The following TRMT11 variants were observed in gnomAD, a reference collection of about 807,000 sequenced individuals.
The protein encoded by TRMT11 is tRNA (guanine(10)-N(2))-methyltransferase TRMT11.
Under a neutral mutation model 62.8 loss-of-function variants are expected in TRMT11, and 53 were observed. The observed-to-expected ratio is 0.84, with a 90% CI of 0.68 to 1.06. The LOEUF (loss-of-function observed/expected upper bound fraction) is 1.06. TRMT11 is among the 50% of genes least tolerant of loss of function. The probability of loss-of-function intolerance (pLI) is 0.00; values close to 1 mark genes in which losing one functional copy is unlikely to be tolerated. For missense variants in TRMT11, 556 were observed against 553.4 expected, an observed-to-expected ratio of 1.00 and a Z score of -0.05; for synonymous variants, 188 against 190.3, an observed-to-expected ratio of 0.99 and a Z score of 0.10.
At chr6:126,150,947 T>C (rs147511005) in intron 21 of TRMT11, among the ~76,000 whole-genome samples, 6 of 152,236 alleles carry the variant, frequency 3.9e-5, no homozygotes, top group African/African-American at 1.4e-4. Flanking sequence ...TTGTGTACTT[T>C]GAGTGATAGA....
the TRMT11 span, among the ~76,000 whole-genome samples, chr6:126,251,194 G>A: frequency 2.0e-4 from 30 of 151,650 alleles, no homozygotes; most frequent in South Asian, 6.3e-3. Context: ...CTGTGCCTGG[G>A]TCATTTTTGT....
intron 21 of TRMT11, among the ~76,000 whole-genome samples, chr6:126,124,465 T>G (rs1462118695): frequency 6.6e-6 from 1 of 152,128 alleles, no homozygotes; most frequent in African/African-American, 2.4e-5. Context: ...TCACATCCTT[T>G]GCTGTGAGAC....
chr6:126,188,203 C>T (rs547006157), intron 1 of TRMT11, among the ~76,000 whole-genome samples: 1 of 151,952 alleles, frequency 6.6e-6, no homozygotes, highest in Admixed American at 6.6e-5. Context: ...GAGAAGTGAA[C>T]CATGAATTGG....
intron 1 of TRMT11, among the ~76,000 whole-genome samples, chr6:126,184,195 A>G (rs528107770): frequency 6.6e-6 from 1 of 152,222 alleles, no homozygotes; most frequent in Admixed American, 6.5e-5. Context: ...AAACTATGTT[A>G]AGAATCCAGG....
the TRMT11 span, among the ~76,000 whole-genome samples, chr6:126,251,152 T>G: frequency 6.6e-5 from 10 of 151,754 alleles, no homozygotes; most frequent in Non-Finnish European, 1.5e-4. Flanking sequence ...TGCCTCAGCC[T>G]CCTGAGTAGC....
downstream of TRMT11, among the ~76,000 whole-genome samples, chr6:126,042,007 C>G (rs1202265522): frequency 6.6e-6 from 1 of 151,970 alleles, no homozygotes; most frequent in African/African-American, 2.4e-5. Flanking sequence ...GGTTTGTAAT[C>G]CAAACAAAAA....
At chr6:126,207,666 C>T (rs1269361906), downstream of TRMT11, among the ~76,000 whole-genome samples, 1 of 152,116 alleles carries the variant, frequency 6.6e-6, no homozygotes, top group Non-Finnish European at 1.5e-5. Flanking sequence ...ATCTCATGGC[C>T]ACGCTGTAGT....
chr6:126,220,032 T>A, the TRMT11 span, among the ~76,000 whole-genome samples: 5 of 152,166 alleles, frequency 3.3e-5, no homozygotes, highest in African/African-American at 1.2e-4. Flanking sequence ...TGGAAGGCAT[T>A]GTTGTAGTTA....
downstream of TRMT11, among the ~76,000 whole-genome samples, chr6:126,042,418 G>T (rs1010190057): frequency 7.9e-5 from 12 of 152,124 alleles, no homozygotes; most frequent in Non-Finnish European, 1.5e-4. Flanking sequence ...AGGTTTAATT[G>T]TAATGGCAGT....
At chr6:126,232,427 G>A in the TRMT11 span, among the ~76,000 whole-genome samples, 3 of 150,636 alleles carry the variant, frequency 2.0e-5, no homozygotes, top group Non-Finnish European at 4.4e-5. Flanking sequence ...TTTTTTTCTG[G>A]TATCTTTAAA....
intron 11 of TRMT11, among the ~76,000 whole-genome samples, chr6:126,016,067 A>ATTACACTAATTAAC (rs1157485227): frequency 6.6e-6 from 1 of 152,204 alleles, no homozygotes; most frequent in Admixed American, 6.5e-5. Flanking sequence ...TTATGGGGAA[A>ATTACACTAATTAAC]TAAGATTACA....
intron 1 of TRMT11, among the ~76,000 whole-genome samples, chr6:126,180,044 AGAATAGAAT>A (rs1392792113): frequency 1.3e-5 from 2 of 152,286 alleles, no homozygotes; most frequent in East Asian, 3.9e-4. Flanking sequence ...TTCCTTTGTT[AGAATAGAAT>A]ATGCTACGTG....
At chr6:126,013,436 T>C (rs1012032377) in intron 11 of TRMT11, among the ~76,000 whole-genome samples, 1 of 152,080 alleles carries the variant, frequency 6.6e-6, no homozygotes, top group Non-Finnish European at 1.5e-5. Flanking sequence ...TTTATTTTTA[T>C]TTTTTGTAGA....
chr6:126,132,806 G>C (rs1227374838), intron 21 of TRMT11, among the ~76,000 whole-genome samples: 1 of 152,010 alleles, frequency 6.6e-6, no homozygotes, highest in Non-Finnish European at 1.5e-5. Flanking sequence ...ATATGTTTTA[G>C]AGTTGGTTGT....
intron 7 of TRMT11, among the ~76,000 whole-genome samples, chr6:126,000,510 C>T (rs1230426632): frequency 6.6e-6 from 1 of 152,074 alleles, no homozygotes; most frequent in African/African-American, 2.4e-5. Flanking sequence ...GAAATTATGG[C>T]AGAGAGAAAG....
chr6:126,078,885 ATATT>A (rs1777095097), intron 17 of TRMT11, among the ~76,000 whole-genome samples: 1 of 152,196 alleles, frequency 6.6e-6, no homozygotes, highest in Non-Finnish European at 1.5e-5. Context: ...GTAACAGCGA[ATATT>A]TATTAAGAAT....
intron 17 of TRMT11, among the ~76,000 whole-genome samples, chr6:126,086,654 G>C (rs1777220040): frequency 1.3e-5 from 2 of 152,086 alleles, no homozygotes. Flanking sequence ...ATTCCATGTT[G>C]TTACAGAGTT....
At chr6:126,107,968 A>T (rs906849831) in intron 17 of TRMT11, among the ~76,000 whole-genome samples, 1 of 152,188 alleles carries the variant, frequency 6.6e-6, no homozygotes. Context: ...TTGAGCATTT[A>T]TATCTGCTTA....
upstream of TRMT11, among the ~76,000 whole-genome samples, chr6:126,173,589 A>C (rs887204526): frequency 2.6e-5 from 4 of 152,208 alleles, no homozygotes; most frequent in African/African-American, 4.8e-5. Context: ...TGAGAAGCAT[A>C]TGGGAAGCCA....
Sources: allele counts gnomAD v4.1 joint callset (sites outside exome capture counted in the v4.1 genomes callset), GRCh38; gene constraint gnomAD v4.1.1; transcripts MANE v1.5; gene names NCBI Gene and HGNC (gene_info 2026-07-23, HGNC 2026-07-21).